ANKRD6: variants seen among roughly 807,000 people sequenced by gnomAD.
ANKRD6 encodes the protein ankyrin repeat domain 6, also known as ankyrin repeat domain-containing protein 6.
A neutral mutation model predicts 82.3 loss-of-function variants in ANKRD6; 56 were observed. The observed-to-expected ratio is 0.68, with a 90% confidence interval of 0.55 to 0.85. ANKRD6 has a LOEUF of 0.85. Among genes scored for constraint, ANKRD6 ranks in the 40% least tolerant of loss-of-function variants. ANKRD6 has a pLI of 0.00. For missense variants in ANKRD6, 852 were observed against 907.6 expected, an observed-to-expected ratio of 0.94 and a Z score of 0.79; for synonymous variants, 347 against 352.1, an observed-to-expected ratio of 0.99 and a Z score of 0.16.
intron 1 of ANKRD6, among the ~76,000 whole-genome samples, chr6:89,530,265 A>T (rs1009427792): frequency 6.6e-6 from 1 of 152,134 alleles, no homozygotes; most frequent in African/African-American, 2.4e-5. Flanking sequence ...AGAAGAAAAA[A>T]GTTTGAAATA....
At chr6:89,439,323 A>G (rs976958636) in intron 1 of ANKRD6, among the ~76,000 whole-genome samples, 8 of 152,194 alleles carry the variant, frequency 5.3e-5, no homozygotes, top group Non-Finnish European at 1.0e-4. Flanking sequence ...TAGGCTAGGT[A>G]TGAAACTTAT....
At chr6:89,457,598 T>G (rs1386586859) in intron 1 of ANKRD6, among the ~76,000 whole-genome samples, 1 of 152,230 alleles carries the variant, frequency 6.6e-6, no homozygotes, top group Non-Finnish European at 1.5e-5. Flanking sequence ...TATCTATTAA[T>G]AGATTTATCT....
intron 1 of ANKRD6, among the ~76,000 whole-genome samples, chr6:89,525,072 T>A (rs1313921051): frequency 6.6e-6 from 1 of 151,900 alleles, no homozygotes; most frequent in African/African-American, 2.4e-5. Flanking sequence ...GGCTGATGGA[T>A]CACTTGAGGT....
At chr6:89,576,075 G>A (rs530873156) in intron 2 of ANKRD6, among the ~76,000 whole-genome samples, 8 of 150,570 alleles carry the variant, frequency 5.3e-5, no homozygotes, top group East Asian at 2.0e-4. Context: ...TTTTTGAGAC[G>A]GAGTCTCGCT....
At chr6:89,622,324 G>T (rs1219515987) in intron 10 of ANKRD6, among the ~76,000 whole-genome samples, 2 of 152,216 alleles carry the variant, frequency 1.3e-5, no homozygotes, top group Non-Finnish European at 2.9e-5. Flanking sequence ...GGGTAGCACT[G>T]CCTCTCTAAC....
intron 1 of ANKRD6, among the ~76,000 whole-genome samples, chr6:89,465,145 A>G (rs1198303357): frequency 7.1e-6 from 1 of 140,748 alleles, no homozygotes; most frequent in Non-Finnish European, 1.5e-5. Flanking sequence ...TTTGAGATGG[A>G]GTCGTGCTCT....
At chr6:89,606,379 A>G (rs1334518373) in intron 5 of ANKRD6, among the ~76,000 whole-genome samples, 2 of 152,214 alleles carry the variant, frequency 1.3e-5, no homozygotes, top group South Asian at 2.1e-4. Flanking sequence ...TTACTGTCCC[A>G]TAGTTTTTTT....
intron 5 of ANKRD6, among the ~76,000 whole-genome samples, chr6:89,608,782 A>G (rs1325585601): frequency 1.3e-5 from 2 of 152,080 alleles, no homozygotes; most frequent in Non-Finnish European, 2.9e-5. Flanking sequence ...TCCTCTTTCC[A>G]TGCTCATTCT....
chr6:89,502,678 G>C (rs779244313), intron 1 of ANKRD6, among the ~76,000 whole-genome samples: 9 of 152,066 alleles, frequency 5.9e-5, no homozygotes, highest in Non-Finnish European at 1.3e-4. Context: ...CTTACCTGAC[G>C]GGACCCTTTT....
chr6:89,592,674 T>A (rs1383589681), intron 2 of ANKRD6, among the ~76,000 whole-genome samples: 1 of 152,152 alleles, frequency 6.6e-6, no homozygotes, highest in African/African-American at 2.4e-5. Context: ...AGTAAGTAGT[T>A]TAAACAACAG....
intron 14 of ANKRD6, 74 bp downstream of exon 14, chr6:89,627,770 A>T: frequency 3.0e-6 from 4 of 1,345,030 alleles, no homozygotes; most frequent in Non-Finnish European, 4.2e-6. Flanking sequence ...CAGGCCTGCC[A>T]CTGAAAACTC....
At chr6:89,434,238 C>T (rs898720497) in intron 1 of ANKRD6, among the ~76,000 whole-genome samples, 1 of 152,120 alleles carries the variant, frequency 6.6e-6, no homozygotes, top group East Asian at 1.9e-4. Flanking sequence ...TACATAACCT[C>T]GTAGTATTGT....
chr6:89,624,128 TG>T, intron 12 of ANKRD6, 71 bp downstream of exon 12: 1 of 1,472,610 alleles, frequency 6.8e-7, no homozygotes, highest in Non-Finnish European at 9.1e-7. Flanking sequence ...ACGGCATTCC[TG>T]GGGGCTGATA....
intron 2 of ANKRD6, among the ~76,000 whole-genome samples, chr6:89,572,585 C>A (rs1024599877): frequency 2.0e-5 from 3 of 152,192 alleles, no homozygotes; most frequent in African/African-American, 7.2e-5. Flanking sequence ...ATTGTCATAT[C>A]CAAGAAATCA....
intron 1 of ANKRD6, among the ~76,000 whole-genome samples, chr6:89,554,236 C>T (rs1186434626): frequency 2.0e-5 from 3 of 152,330 alleles, no homozygotes; most frequent in African/African-American, 4.8e-5. Context: ...GGTGAGGTCG[C>T]ATTGCCTCTG....
chr6:89,437,377 C>A (rs1770784355), intron 1 of ANKRD6, among the ~76,000 whole-genome samples: 1 of 152,144 alleles, frequency 6.6e-6, no homozygotes, highest in Non-Finnish European at 1.5e-5. Flanking sequence ...ACTCCAGGAC[C>A]AATTCCTCAA....
Position 89,633,636 on chromosome 6 carries a change from CTT to C in ANKRD6, c.*2635_*2636del, listed in dbSNP as rs1196359647. 6.6e-6 allele frequency: 1 copy of C among 152,112 alleles called. No homozygotes were observed. Among genetic ancestry groups the C allele is most frequent in the African/African-American group, 2.4e-5 (1 of 41,388 alleles). 9.4% of individuals were successfully genotyped at this position (152,112 alleles called of 1,614,324 possible). A position where few individuals can be genotyped will look rare whatever the true frequency, so the allele number is the denominator to read the frequency against. On this transcript the variant is annotated 3_prime_UTR_variant, in exon 16 of 16. Transcript: ENST00000339746. ...CTGTGATTAAATAAATTAGTTCTAA[CTT>C]TTGATTTTGGGAGCCCAAAATAAAG...
chr6:89,625,031 C>A (rs1805122987), intron 13 of ANKRD6, among the ~76,000 whole-genome samples: 1 of 152,062 alleles, frequency 6.6e-6, no homozygotes, highest in Non-Finnish European at 1.5e-5. Context: ...ACCTGTAATC[C>A]CAGCACTTTG....
chr6:89,615,775 C>T (rs890641424), intron 7 of ANKRD6, among the ~76,000 whole-genome samples: 1 of 152,128 alleles, frequency 6.6e-6, no homozygotes, highest in Non-Finnish European at 1.5e-5. Flanking sequence ...TTTCACTTCT[C>T]CTATATTTGT....
Sources: gnomAD v4.1 joint callset for allele counts (sites outside exome capture counted in the v4.1 genomes callset) on GRCh38, gnomAD v4.1.1 for gene constraint, MANE v1.5 for transcripts, NCBI Gene and HGNC (gene_info 2026-07-23, HGNC 2026-07-21) for gene names.